The following ODAD2 variants were observed in gnomAD, a reference collection of about 807,000 sequenced individuals.
ODAD2 encodes outer dynein arm-docking complex subunit 2.
ODAD2 carries 89 observed loss-of-function variants against 106.8 expected under a neutral mutation model. The observed-to-expected ratio is 0.83, with a 90% CI of 0.70 to 0.99. The LOEUF is 0.99. Ranked by LOEUF, ODAD2 falls within the 50% of genes least tolerant of loss-of-function variation. The pLI is 0.00. For synonymous variants in ODAD2, 404 were observed against 436.2 expected (o/e 0.93, Z 0.92); for missense variants, 1,168 against 1,238.5 (o/e 0.94, Z 0.85).
chr10:27,915,963 T>C (rs77627269), intron 16 of ODAD2, among the ~76,000 whole-genome samples: 1 of 151,892 alleles, frequency 6.6e-6, no homozygotes, highest in East Asian at 1.9e-4. Context: ...CACCATGGAG[T>C]GTTAGAGCAC....
At chr10:27,975,312 A>ATAT (rs1849120483) in intron 7 of ODAD2, among the ~76,000 whole-genome samples, 1 of 152,204 alleles carries the variant, frequency 6.6e-6, no homozygotes, top group African/African-American at 2.4e-5. Flanking sequence ...AGACATAAGC[A>ATAT]CCAAAGTAAA....
At chr10:27,924,008 A>AAGAAGGAAAGAG (rs1845016018) in intron 16 of ODAD2, among the ~76,000 whole-genome samples, 1 of 104,188 alleles carries the variant, frequency 9.6e-6, no homozygotes, top group East Asian at 2.6e-4. Context: ...GAAAGAAAGA[A>AAGAAGGAAAGAG]AGAAAGAAAG....
chr10:27,860,656 C>G lies in ODAD2; in HGVS notation c.2990G>C (p.Cys997Ser). The G allele has an allele frequency of 6.2e-7, 1 of 1,614,074 alleles. No homozygotes were observed. The highest frequency in any genetic ancestry group is 8.5e-7 in the Non-Finnish European group (1 of 1,180,006). ...TGCACCATTCTCATGCATGGTGATGCAGTTATCGGCGTCTTCTGAGAGTTG... is the reference window on the plus strand; with the variant it reads ...TGCACCATTCTCATGCATGGTGATGGAGTTATCGGCGTCTTCTGAGAGTTG... ...LYQLSEDADN[C>S]ITMHENGAVK... Residue 997 changes from cysteine to serine, a missense_variant, in exon 19 of 20, where the codon TGC becomes TCC. Physicochemically the swap from Cys to Ser is moderately radical, Grantham distance 112. Coordinates refer to ENST00000305242, the MANE Select transcript of ODAD2 (RefSeq NM_018076.5).
At chr10:27,946,240 A>G (rs1846915624) in intron 10 of ODAD2, among the ~76,000 whole-genome samples, 1 of 149,236 alleles carries the variant, frequency 6.7e-6, no homozygotes, top group South Asian at 2.1e-4. Flanking sequence ...AAAAATGTAT[A>G]TTTCTATATA....
intron 17 of ODAD2, among the ~76,000 whole-genome samples, chr10:27,888,320 A>G (rs1278874553): frequency 6.6e-6 from 1 of 152,092 alleles, no homozygotes; most frequent in Non-Finnish European, 1.5e-5. Context: ...CCTTGCCAAC[A>G]TACATTGTTT....
intron 17 of ODAD2, among the ~76,000 whole-genome samples, chr10:27,899,286 T>C (rs570994689): frequency 6.2e-4 from 94 of 152,090 alleles, no homozygotes; most frequent in Non-Finnish European, 1.1e-3. Context: ...CTGGCCCAGA[T>C]ACTACACTTT....
intron 11 of ODAD2, 42 bp from the exon 12 acceptor site, chr10:27,944,473 G>C: frequency 1.3e-6 from 2 of 1,545,342 alleles, no homozygotes; most frequent in Non-Finnish European, 1.8e-6. Flanking sequence ...TATGTAACCC[G>C]TGCTATGTTT....
intron 7 of ODAD2, among the ~76,000 whole-genome samples, chr10:27,979,231 C>CAA (rs1313032503): frequency 2.2e-4 from 9 of 41,796 alleles, no homozygotes; most frequent in African/African-American, 6.1e-4. Flanking sequence ...GACTCCATCT[C>CAA]AAAAAAAAAA....
intron 19 of ODAD2, among the ~76,000 whole-genome samples, chr10:27,814,854 G>A (rs1196182548): frequency 1.3e-5 from 2 of 152,136 alleles, no homozygotes; most frequent in African/African-American, 2.4e-5. Flanking sequence ...TGAGTCCTGC[G>A]GGAGGCATAT....
chr10:27,837,211 C>A (rs894724035), intron 19 of ODAD2, among the ~76,000 whole-genome samples: 73 of 152,320 alleles, frequency 4.8e-4, no homozygotes, highest in African/African-American at 1.8e-3. Flanking sequence ...GCCCTGTGAC[C>A]ACATGGTCCC....
chr10:27,841,538 G>GGTGCCCGCCACC lies in ODAD2; in HGVS notation c.3021+19075_3021+19086dup, dbSNP rs1250732615. On this transcript the variant is annotated intron_variant, in intron 19 of 19. Coordinates refer to ENST00000305242, the MANE Select transcript of ODAD2 (RefSeq NM_018076.5). The stretch of plus-strand genomic sequence containing the variant: ...GGCCTCCTGAGTAGCTGGGATTACA[G>GGTGCCCGCCACC]GTGCCCGCCACCATGCCCGGCTAAT... 1.1e-4 allele frequency among the ~76,000 whole-genome samples: 16 copies of GGTGCCCGCCACC among 152,182 alleles called. No homozygotes were observed. The East Asian group carries it at 3.1e-3, about 29-fold the overall frequency.
chr10:27,907,889 T>C (rs1463329403), intron 16 of ODAD2, 112 bp from the exon 17 acceptor site: 2 of 185,496 alleles, frequency 1.1e-5, no homozygotes, highest in Non-Finnish European at 1.8e-5. Flanking sequence ...TTGCTTAGAA[T>C]TTTTTTTTTT....
intron 1 of ODAD2, among the ~76,000 whole-genome samples, chr10:27,998,478 G>A (rs542717336): frequency 6.6e-6 from 1 of 152,088 alleles, no homozygotes; most frequent in Non-Finnish European, 1.5e-5. Context: ...AAGACGGGCT[G>A]GGGGAAGGAG....
chr10:27,876,007 C>T (rs922064528), intron 17 of ODAD2, among the ~76,000 whole-genome samples: 11 of 152,272 alleles, frequency 7.2e-5, no homozygotes, highest in East Asian at 1.9e-4. Context: ...GAGGGGCACC[C>T]GCCATTGCTG....
intron 17 of ODAD2, among the ~76,000 whole-genome samples, chr10:27,880,402 A>G (rs1334554715): frequency 6.6e-6 from 1 of 152,218 alleles, no homozygotes; most frequent in Non-Finnish European, 1.5e-5. Flanking sequence ...CAGAAAATGT[A>G]GTTTTCAAGA....
At chr10:27,837,958 A>G (rs1019075314) in intron 19 of ODAD2, among the ~76,000 whole-genome samples, 3 of 152,222 alleles carry the variant, frequency 2.0e-5, no homozygotes, top group Admixed American at 6.5e-5. Context: ...AGTAAGTGAC[A>G]TCTTACCCCA....
At chr10:27,937,793 T>C (rs779677574) in intron 14 of ODAD2, among the ~76,000 whole-genome samples, 1 of 152,188 alleles carries the variant, frequency 6.6e-6, no homozygotes, top group Non-Finnish European at 1.5e-5. Context: ...TTTTCAATTC[T>C]GGATTACAGG....
intron 17 of ODAD2, among the ~76,000 whole-genome samples, chr10:27,874,753 T>G (rs1273904491): frequency 3.9e-5 from 6 of 152,156 alleles, no homozygotes; most frequent in Non-Finnish European, 8.8e-5. Context: ...TCCCTTTGTG[T>G]GTAACCCGAA....
chr10:27,940,853 A>C (rs768925246), intron 12 of ODAD2, 48 bp from the exon 13 acceptor site: 4 of 1,571,710 alleles, frequency 2.5e-6, no homozygotes, highest in Non-Finnish European at 3.5e-6. Context: ...TAAAAAGAAC[A>C]TTTAAGGCAT....
Sources: allele counts gnomAD v4.1 joint callset (sites outside exome capture counted in the v4.1 genomes callset), GRCh38; gene constraint gnomAD v4.1.1; transcripts MANE v1.5; gene names NCBI Gene and HGNC (gene_info 2026-07-23, HGNC 2026-07-21).